Variants in FBXO47 observed in about 807,000 individuals in gnomAD.
The protein encoded by FBXO47 is F-box protein 47.
A neutral mutation model predicts 53.9 loss-of-function variants in FBXO47; 34 were observed. The observed-to-expected ratio is 0.63, with a 90% CI of 0.48 to 0.84. The LOEUF is 0.84. Among genes scored for constraint, FBXO47 ranks in the 40% least tolerant of loss-of-function variants. The pLI, the probability that FBXO47 is intolerant of heterozygous loss-of-function variation, is 0.00. For missense variants in FBXO47, 485 were observed against 541.3 expected (o/e 0.90, Z 1.03); for synonymous variants, 165 against 181.6 (o/e 0.91, Z 0.73).
At chr17:38,965,256 G>A (rs1339468937) in intron 1 of FBXO47, among the ~76,000 whole-genome samples, 1 of 151,732 alleles carries the variant, frequency 6.6e-6, no homozygotes, top group Non-Finnish European at 1.5e-5. Context: ...ATACATATAC[G>A]CATAATTACA....
chr17:38,967,168 T>C (rs993841372), intron 1 of FBXO47, 61 bp downstream of exon 1: 1 of 152,070 alleles, frequency 6.6e-6, no homozygotes, highest in Non-Finnish European at 1.5e-5. Context: ...TTTCGCTCCC[T>C]TCAGTCCATG....
In FBXO47 at chr17:38,963,791, GTTGTTT is replaced by G. The variant is rs201984980; in HGVS notation, c.-26-746_-26-741del. On this transcript the variant is annotated intron_variant, in intron 1 of 10. Coordinates refer to ENST00000378079, the MANE Select transcript of FBXO47 (RefSeq NM_001008777.3). ...TTTGTTGGTTTTTGTTGTTGTTGTT[GTTGTTT>G]TGTTGTTTTTTTTTTTTTTGTCAAG... Among the ~76,000 whole-genome samples the G allele has an allele frequency of 4.7e-3, 653 of 140,050 alleles. 32 individuals are homozygous for G. The East Asian group carries it at 0.1, about 22-fold the overall frequency. 91.9% of individuals were successfully genotyped at this position (140,050 alleles called of 152,430 possible).
At chr17:38,954,110 T>G (rs928457342) in intron 5 of FBXO47, among the ~76,000 whole-genome samples, 1 of 152,060 alleles carries the variant, frequency 6.6e-6, no homozygotes, top group Admixed American at 6.6e-5. Context: ...CTGACCAACA[T>G]GGTGAAACCC....
intron 6 of FBXO47, among the ~76,000 whole-genome samples, chr17:38,950,174 C>T (rs190750435): frequency 6.6e-6 from 1 of 152,018 alleles, no homozygotes; most frequent in Admixed American, 6.6e-5. Flanking sequence ...AGTAACTCCC[C>T]ACTCCCCCCT....
chr17:38,946,881 TAA>T (rs1372170880), intron 6 of FBXO47, among the ~76,000 whole-genome samples: 1 of 114,274 alleles, frequency 8.8e-6, no homozygotes, highest in Non-Finnish European at 1.6e-5. Context: ...AACATATATA[TAA>T]ATATATATAT....
rs1392132435 is a variant in FBXO47 at position 38,946,295 on chromosome 17, A to AAAATATATATAAATATAT, written c.617-1177_617-1160dup. On this transcript the variant is annotated intron_variant, in intron 6 of 10. Coordinates refer to ENST00000378079, the MANE Select transcript of FBXO47 (RefSeq NM_001008777.3). ...ATATAAAAATATATATAAATATATAAAAATATATATAAATATATAAATATA... is the reference window on the plus strand; with the variant it reads ...ATATAAAAATATATATAAATATATAAAAATATATATAAATATATAAATATATATAAATATATAAATATA... 1.1e-3 allele frequency among the ~76,000 whole-genome samples: 83 copies of AAAATATATATAAATATAT among 76,666 alleles called. 1 individual carries two copies. The highest frequency in any genetic ancestry group is 1.4e-3 in the African/African-American group (23 of 16,810). 50.3% of individuals were successfully genotyped at this position (76,666 alleles called of 152,430 possible).
chr17:38,946,100 TTATATA>T (rs1264243525), intron 6 of FBXO47, among the ~76,000 whole-genome samples: 1 of 117,786 alleles, frequency 8.5e-6, no homozygotes, highest in Non-Finnish European at 1.6e-5. Flanking sequence ...AAATATATAT[TTATATA>T]TAAATACATA....
At chr17:38,960,085 G>A (rs1441688776) in intron 3 of FBXO47, among the ~76,000 whole-genome samples, 1 of 151,964 alleles carries the variant, frequency 6.6e-6, no homozygotes, top group Non-Finnish European at 1.5e-5. Context: ...GGGATTACAG[G>A]CATGAGCCAC....
At chr17:38,953,004 C>T (rs1905374684) in intron 5 of FBXO47, among the ~76,000 whole-genome samples, 1 of 151,356 alleles carries the variant, frequency 6.6e-6, no homozygotes, top group Non-Finnish European at 1.5e-5. Context: ...TGGCTGGGCA[C>T]AGCAGCTCAT....
chr17:38,938,631 C>CTTTCTT lies in FBXO47; in HGVS notation c.1184_1185insAAGAAA (p.Gln395_Asn396insArgLys). Reference sequence around the variant, plus strand: ...CACATGCAAATGCATTTGCCACATTCTGCAGGAAGTTCTTTCTTTCCACTG... The same window carrying CTTTCTT: ...CACATGCAAATGCATTTGCCACATTCTTTCTTTGCAGGAAGTTCTTTCTTTCCACTG... On this transcript the variant is annotated inframe_insertion, in exon 10 of 11. Coordinates refer to ENST00000378079, the MANE Select transcript of FBXO47 (RefSeq NM_001008777.3). 4 of 1,613,776 alleles carry CTTTCTT rather than the reference C, an allele frequency of 2.5e-6. No individual in the cohort carries two copies. The South Asian group carries it at 4.4e-5, about 18-fold the overall frequency.
At chr17:38,951,007 C>G (rs549401697) in intron 6 of FBXO47, among the ~76,000 whole-genome samples, 1 of 152,020 alleles carries the variant, frequency 6.6e-6, no homozygotes. Flanking sequence ...CTCAAGCTAT[C>G]CTCCCACCTC....
At chr17:38,951,087 C>G (rs914295908) in intron 6 of FBXO47, among the ~76,000 whole-genome samples, 2 of 151,376 alleles carry the variant, frequency 1.3e-5, no homozygotes, top group Admixed American at 6.6e-5. Context: ...GAGACATGGT[C>G]TGTTACATTG....
chr17:38,937,271 G>A lies in FBXO47; in HGVS notation c.1263C>T (p.Asp421=). The A allele has an allele frequency of 6.3e-7, 1 of 1,598,848 alleles. No homozygotes were observed. Among genetic ancestry groups the A allele is most frequent in the South Asian group, 1.1e-5 (1 of 90,482 alleles). ...GATGGAACAAATTCAAAAAGCTTCT[G>A]TCATCTTCATCACGGTCTCCTATAT... The part of the protein sequence containing the change: ...SIMSGDRDED[D]RSFLNLFHLV... Residue 421 remains aspartate (D), a synonymous_variant, in exon 11 of 11, where the codon GAC becomes GAT. Coordinates refer to ENST00000378079, the MANE Select transcript of FBXO47 (RefSeq NM_001008777.3).
intron 7 of FBXO47, 108 bp downstream of exon 7, chr17:38,944,852 G>A (rs1904677866): frequency 1.5e-5 from 11 of 749,162 alleles, no homozygotes; most frequent in Admixed American, 2.3e-5. Context: ...GCATGCATGT[G>A]TGTGTGTGTG....
chr17:38,963,786 T>C (rs1244306441), intron 1 of FBXO47, among the ~76,000 whole-genome samples: 2 of 148,688 alleles, frequency 1.3e-5, no homozygotes, highest in Admixed American at 1.4e-4. Flanking sequence ...TTTGTTGTTG[T>C]TGTTGTTGTT....
intron 1 of FBXO47, 81 bp downstream of exon 1, chr17:38,967,148 G>A (rs1371884707): frequency 1.3e-5 from 2 of 152,030 alleles, no homozygotes; most frequent in Non-Finnish European, 1.5e-5. Flanking sequence ...CAGACCACAC[G>A]GGGTACATGT....
At chr17:38,963,921 T>A (rs1462212750) in intron 1 of FBXO47, among the ~76,000 whole-genome samples, 1 of 149,994 alleles carries the variant, frequency 6.7e-6, no homozygotes, top group African/African-American at 2.4e-5. Flanking sequence ...CTCAGCCTCC[T>A]GAGTAGCTGG....
rs572703282 is a variant in FBXO47 at position 38,951,316 on chromosome 17, T to C, written c.616+265A>G. On this transcript the variant is annotated intron_variant, in intron 6 of 10. Transcript: ENST00000378079. The stretch of plus-strand genomic sequence containing the variant: ...GTCAAGTGATCCTTTCACCTCAGCC[T>C]CCTGAGTAGCTGGGACCACAGGCAC... Among the ~76,000 whole-genome samples the C allele has an allele frequency of 4.1e-3, 629 of 152,216 alleles. 8 individuals carry two copies. The highest frequency in any genetic ancestry group is 0.015 in the African/African-American group (611 of 41,524).
At chr17:38,961,782 A>G in intron 3 of FBXO47, 95 bp downstream of exon 3, 1 of 1,079,754 alleles carries the variant, frequency 9.3e-7, no homozygotes, top group South Asian at 1.4e-5. Context: ...TTTGGAATAT[A>G]TTCCATTTCC....
Sources: allele counts gnomAD v4.1 joint callset (sites outside exome capture counted in the v4.1 genomes callset), GRCh38; gene constraint gnomAD v4.1.1; transcripts MANE v1.5; gene names NCBI Gene and HGNC (gene_info 2026-07-23, HGNC 2026-07-21).